Variants in SDCCAG8 observed in about 807,000 individuals in gnomAD.
The protein encoded by SDCCAG8 is SHH signaling and ciliogenesis regulator SDCCAG8.
SDCCAG8 carries 74 observed loss-of-function variants against 101.8 expected under a neutral mutation model. The observed-to-expected ratio is 0.73, with a 90% CI of 0.60 to 0.88. The LOEUF (loss-of-function observed/expected upper bound fraction) is 0.88. Ranked by LOEUF, SDCCAG8 falls within the 40% of genes least tolerant of loss-of-function variation. SDCCAG8 has a pLI of 0.00. For synonymous variants in SDCCAG8, 281 were observed against 292.9 expected, an observed-to-expected ratio of 0.96 and a Z score of 0.41; for missense variants, 787 against 822.6, an observed-to-expected ratio of 0.96 and a Z score of 0.53.
chr1:243,278,293 T>C (rs114715115), intron 4 of SDCCAG8, among the ~76,000 whole-genome samples: 241 of 152,300 alleles, frequency 1.6e-3, no homozygotes, highest in African/African-American at 5.5e-3. Flanking sequence ...CAGTCTTAGC[T>C]CACTACATCC....
At chr1:243,410,668 T>C (rs2080109477) in intron 13 of SDCCAG8, among the ~76,000 whole-genome samples, 1 of 152,206 alleles carries the variant, frequency 6.6e-6, no homozygotes, top group African/African-American at 2.4e-5. Flanking sequence ...AGGGTCATTG[T>C]TGAGCTAAAT....
intron 8 of SDCCAG8, among the ~76,000 whole-genome samples, chr1:243,308,688 C>T (rs994066506): frequency 6.6e-6 from 1 of 152,158 alleles, no homozygotes; most frequent in Admixed American, 6.5e-5. Flanking sequence ...TAACTGAGAA[C>T]AAGTTACAGA....
At chr1:243,325,618 G>A (rs2074091758) in intron 9 of SDCCAG8, among the ~76,000 whole-genome samples, 2 of 152,050 alleles carry the variant, frequency 1.3e-5, no homozygotes, top group Non-Finnish European at 2.9e-5. Flanking sequence ...AACTTGAGAA[G>A]TATATAATGC....
intron 12 of SDCCAG8, among the ~76,000 whole-genome samples, chr1:243,375,300 G>A (rs996986945): frequency 3.5e-4 from 54 of 152,196 alleles, no homozygotes; most frequent in African/African-American, 1.3e-3. Flanking sequence ...TTGAAATCGG[G>A]GAGGTAGACC....
In SDCCAG8 at chr1:243,424,603, T is replaced by A. The variant is rs148081373; in HGVS notation, c.1854-1824T>A. Among the ~76,000 whole-genome samples, 327 of 152,168 alleles carry A rather than the reference T, an allele frequency of 2.1e-3. 1 individual carries two copies. The highest frequency in any genetic ancestry group is 7.1e-3 in the African/African-American group (297 of 41,562). ...TGTCACAGTTTTAGATCAATAAATA[T>A]CACTTATAAATAGCCACATTATCAG... On this transcript the variant is annotated intron_variant, in intron 15 of 17. Transcript: ENST00000366541.
chr1:243,431,302 C>T (rs189977985), intron 16 of SDCCAG8, among the ~76,000 whole-genome samples: 106 of 152,198 alleles, frequency 7.0e-4, no homozygotes, highest in African/African-American at 2.4e-3. Flanking sequence ...TAAACACTGG[C>T]GAAATGTGTA....
chr1:243,330,750 T>C (rs1156974847), intron 10 of SDCCAG8, 58 bp downstream of exon 10: 9 of 1,552,194 alleles, frequency 5.8e-6, no homozygotes, highest in South Asian at 2.2e-5. Flanking sequence ...TATGATGCCA[T>C]TGATGATTCC....
intron 16 of SDCCAG8, among the ~76,000 whole-genome samples, chr1:243,446,360 G>T (rs141075044): frequency 6.6e-6 from 1 of 152,042 alleles, no homozygotes. Context: ...TCAACATCCT[G>T]GGATAAATTG....
chr1:243,341,479 T>C (rs556727527), intron 11 of SDCCAG8, among the ~76,000 whole-genome samples: 40 of 152,374 alleles, frequency 2.6e-4, no homozygotes, highest in African/African-American at 8.9e-4. Flanking sequence ...ACTTTAATTA[T>C]TGAATATTTG....
chr1:243,393,310 G>A (rs1003021921), intron 13 of SDCCAG8, among the ~76,000 whole-genome samples: 2 of 151,992 alleles, frequency 1.3e-5, no homozygotes, highest in African/African-American at 4.8e-5. Context: ...AGATGGCACC[G>A]AAAGCTGGCA....
intron 16 of SDCCAG8, among the ~76,000 whole-genome samples, chr1:243,456,552 C>A (rs143458423): frequency 6.6e-6 from 1 of 151,924 alleles, no homozygotes; most frequent in East Asian, 1.9e-4. Context: ...ATTAGCTGTG[C>A]CTATATGTTT....
intron 16 of SDCCAG8, among the ~76,000 whole-genome samples, chr1:243,428,303 G>A (rs183677659): frequency 1.1e-3 from 167 of 152,316 alleles, no homozygotes; most frequent in African/African-American, 3.8e-3. Context: ...GATTGCTGCT[G>A]TGTGTCACAT....
At chr1:243,336,620 A>G (rs1363613748) in intron 10 of SDCCAG8, among the ~76,000 whole-genome samples, 4 of 152,130 alleles carry the variant, frequency 2.6e-5, no homozygotes, top group African/African-American at 7.2e-5. Flanking sequence ...AGAACTCGCT[A>G]TCATGAGAAC....
intron 15 of SDCCAG8, among the ~76,000 whole-genome samples, chr1:243,425,552 A>T (rs1197379506): frequency 6.6e-6 from 1 of 152,174 alleles, no homozygotes; most frequent in Admixed American, 6.5e-5. Context: ...TCTTCAGAAA[A>T]CAATCCAATC....
chr1:243,256,209 G>C lies in SDCCAG8; in HGVS notation c.36G>C (p.Glu12Asp), dbSNP rs2066650990. 1 of 1,614,120 alleles carries C rather than the reference G, an allele frequency of 6.2e-7. No homozygotes were observed. The highest frequency in any genetic ancestry group is 8.5e-7 in the Non-Finnish European group (1 of 1,180,050). The change falls in exon 1 of 18, where the codon GAG becomes GAC. Residue 12 changes from glutamate to aspartate, a missense_variant. Transcript: ENST00000366541. ...AKSPENSTLEEILGQYQRSLR... is the reference protein window; with the variant it reads ...AKSPENSTLEDILGQYQRSLR... ...CCCCGGAGAACTCTACCCTGGAGGA[G>C]ATTCTGGGGCAGTATCAACGGAGTC...
At chr1:243,437,159 G>GTAGTTGTGTTTGTT (rs1479704879) in intron 16 of SDCCAG8, among the ~76,000 whole-genome samples, 3 of 152,154 alleles carry the variant, frequency 2.0e-5, no homozygotes, top group Non-Finnish European at 4.4e-5. Flanking sequence ...TTTCATTTCT[G>GTAGTTGTGTTTGTT]TAGTTGTGTT....
intron 4 of SDCCAG8, among the ~76,000 whole-genome samples, chr1:243,283,259 G>C (rs577785232): frequency 2.6e-5 from 4 of 151,738 alleles, no homozygotes; most frequent in Non-Finnish European, 5.9e-5. Flanking sequence ...GTATTTTTGG[G>C]GGGTATTTAT....
rs750157232 is a variant in SDCCAG8 at position 243,458,429 on chromosome 1, A to C, written c.1986-30585A>C. On this transcript the variant is annotated intron_variant, in intron 16 of 17. Transcript: ENST00000366541. The surrounding 1 kb of genome is among the most constrained non-coding windows in gnomAD (Gnocchi z 4.5). ...ATATAATAAATATATAATAATCGTCATTGTAATTCTCATCACTGTAGTAGC... is the reference window on the plus strand; with the variant it reads ...ATATAATAAATATATAATAATCGTCCTTGTAATTCTCATCACTGTAGTAGC... Among the ~76,000 whole-genome samples the C allele has an allele frequency of 2.0e-5, 3 of 152,140 alleles. No homozygotes were observed. Among genetic ancestry groups the C allele is most frequent in the Non-Finnish European group, 4.4e-5 (3 of 68,008 alleles).
intron 5 of SDCCAG8, 79 bp from the exon 6 acceptor site, chr1:243,293,012 A>T (rs1187572312): frequency 2.6e-6 from 4 of 1,515,024 alleles, no homozygotes; most frequent in Non-Finnish European, 3.7e-6. Flanking sequence ...CATAGGTAAG[A>T]ATAGGTATTT....
Sources: allele counts gnomAD v4.1 joint callset (sites outside exome capture counted in the v4.1 genomes callset), GRCh38; gene constraint gnomAD v4.1.1; non-coding constraint Gnocchi (gnomAD v3.1); transcripts MANE v1.5; gene names NCBI Gene and HGNC (gene_info 2026-07-23, HGNC 2026-07-21).